EFCAB13: variants seen among roughly 807,000 people sequenced by gnomAD.
The protein encoded by EFCAB13 is EF-hand calcium binding domain 13.
Under a neutral mutation model 110.2 loss-of-function variants are expected in EFCAB13, and 91 were observed. The ratio of observed to expected loss-of-function variants is 0.83; its 90% confidence interval spans 0.70 to 0.98. The LOEUF is 0.98. Among genes scored for constraint, EFCAB13 ranks in the 50% least tolerant of loss-of-function variants. The pLI is 0.00. For missense variants in EFCAB13, 968 were observed against 1,119.4 expected (o/e 0.86, Z 1.93); for synonymous variants, 323 against 369.9 (o/e 0.87, Z 1.45).
intron 23 of EFCAB13, among the ~76,000 whole-genome samples, chr17:47,416,799 G>C (rs1904466553): frequency 6.6e-6 from 1 of 152,158 alleles, no homozygotes; most frequent in South Asian, 2.1e-4. Flanking sequence ...TAGTACAATT[G>C]ACTCTTGAAC....
chr17:47,369,098 A>C (rs938911786), intron 10 of EFCAB13, among the ~76,000 whole-genome samples: 4 of 152,230 alleles, frequency 2.6e-5, no homozygotes, highest in African/African-American at 7.2e-5. Flanking sequence ...GAGCTGGTGA[A>C]AAATGGTATA....
intron 10 of EFCAB13, among the ~76,000 whole-genome samples, chr17:47,363,944 A>G (rs2065531149): frequency 6.6e-6 from 1 of 152,172 alleles, no homozygotes; most frequent in Admixed American, 6.5e-5. Context: ...GGGGATTTTA[A>G]AGACTATTCT....
chr17:47,427,714 A>G (rs1181718791), intron 23 of EFCAB13, among the ~76,000 whole-genome samples: 2 of 151,994 alleles, frequency 1.3e-5, no homozygotes, highest in Non-Finnish European at 2.9e-5. Context: ...TGACTATCCA[A>G]ATTAGCTCAT....
intron 9 of EFCAB13, among the ~76,000 whole-genome samples, chr17:47,357,186 A>G (rs1370488860): frequency 1.3e-5 from 2 of 152,086 alleles, no homozygotes; most frequent in African/African-American, 4.8e-5. Flanking sequence ...GCCGACTCAC[A>G]GTTACTTGCC....
chr17:47,351,955 G>C (rs1962961684), intron 9 of EFCAB13, among the ~76,000 whole-genome samples: 1 of 147,284 alleles, frequency 6.8e-6, no homozygotes, highest in South Asian at 2.2e-4. Flanking sequence ...AGGCTGGAGT[G>C]CAGTGGTGCG....
chr17:47,340,289 C>T (rs1048611951), intron 5 of EFCAB13, among the ~76,000 whole-genome samples: 3 of 151,342 alleles, frequency 2.0e-5, no homozygotes, highest in Admixed American at 2.0e-4. Flanking sequence ...TGAACTGGTA[C>T]CACTAGGCAA....
chr17:47,418,949 A>C (rs191672526), intron 23 of EFCAB13, among the ~76,000 whole-genome samples: 28 of 152,334 alleles, frequency 1.8e-4, no homozygotes, highest in African/African-American at 6.5e-4. Flanking sequence ...TGATTGCTAT[A>C]GCTTTGTTTA....
chr17:47,327,495 T>C lies in EFCAB13; in HGVS notation c.-85-774T>C, dbSNP rs117674807. 4.3e-3 allele frequency among the ~76,000 whole-genome samples: 648 copies of C among 151,184 alleles called. 17 individuals are homozygous for C. In the East Asian group the frequency reaches 0.066, roughly 15 times the overall value. ...TTATTTTTGAGACAGTCTCACTGTATATCCCAGGCTGGAGTGCAGTGGTGC... is the reference window on the plus strand; with the variant it reads ...TTATTTTTGAGACAGTCTCACTGTACATCCCAGGCTGGAGTGCAGTGGTGC... On this transcript the variant is annotated intron_variant, in intron 3 of 24. Coordinates refer to ENST00000331493, the MANE Select transcript of EFCAB13 (RefSeq NM_152347.5).
At chr17:47,359,411 G>A in intron 9 of EFCAB13, among the ~76,000 whole-genome samples, 1 of 151,818 alleles carries the variant, frequency 6.6e-6, no homozygotes, top group East Asian at 1.9e-4. Context: ...CCTTGACTGT[G>A]CTTATCAAAG....
intron 12 of EFCAB13, 81 bp downstream of exon 12, chr17:47,375,047 C>T (rs2065607079): frequency 7.2e-7 from 1 of 1,388,430 alleles, no homozygotes; most frequent in Non-Finnish European, 9.5e-7. Context: ...TAGTTGTAAG[C>T]ATTTCAATTG....
chr17:47,369,058 C>T (rs557410815), intron 10 of EFCAB13, among the ~76,000 whole-genome samples: 2 of 152,244 alleles, frequency 1.3e-5, no homozygotes, highest in Admixed American at 6.5e-5. Flanking sequence ...ATTCCATGCA[C>T]CTTTAATCAT....
chr17:47,374,971 G>GT lies in EFCAB13; in HGVS notation c.1372+6dup. ...AAACTGCAATTAGTACTCTGGGTAAGTAAAAATCTAGGTTCTTGAGTTCTT... is the reference window on the plus strand; with the variant it reads ...AAACTGCAATTAGTACTCTGGGTAAGTTAAAAATCTAGGTTCTTGAGTTCTT... On this transcript the variant is annotated splice_donor_region_variant and intron_variant, in intron 12 of 24. Coordinates refer to ENST00000331493, the MANE Select transcript of EFCAB13 (RefSeq NM_152347.5). The GT allele has an allele frequency of 6.5e-7, 1 of 1,544,498 alleles. No individual in the cohort carries two copies. The highest frequency in any genetic ancestry group is 8.7e-7 in the Non-Finnish European group (1 of 1,154,034).
chr17:47,422,579 A>G (rs1225797343), intron 23 of EFCAB13, among the ~76,000 whole-genome samples: 1 of 152,192 alleles, frequency 6.6e-6, no homozygotes, highest in East Asian at 1.9e-4. Flanking sequence ...ATATAATTCT[A>G]TGTTCAAAAA....
intron 23 of EFCAB13, among the ~76,000 whole-genome samples, chr17:47,425,594 T>C (rs1238654835): frequency 6.6e-6 from 1 of 152,248 alleles, no homozygotes; most frequent in Non-Finnish European, 1.5e-5. Flanking sequence ...TGCAGCCAAG[T>C]GCACCAGAAT....
chr17:47,344,732 T>G (rs1295254011), intron 7 of EFCAB13, among the ~76,000 whole-genome samples: 4 of 152,144 alleles, frequency 2.6e-5, no homozygotes, highest in African/African-American at 7.2e-5. Flanking sequence ...CTTAAAAATT[T>G]GCTGTGACTT....
intron 14 of EFCAB13, among the ~76,000 whole-genome samples, chr17:47,382,976 A>T (rs1236535689): frequency 6.6e-6 from 1 of 152,128 alleles, no homozygotes; most frequent in Non-Finnish European, 1.5e-5. Flanking sequence ...TTATTGGTCT[A>T]TTCAGGGATT....
At chr17:47,350,184 A>G (rs868468109) in intron 9 of EFCAB13, among the ~76,000 whole-genome samples, 3 of 152,162 alleles carry the variant, frequency 2.0e-5, no homozygotes, top group Admixed American at 6.5e-5. Context: ...GGTATTTTAT[A>G]TATGAATTAA....
intron 20 of EFCAB13, among the ~76,000 whole-genome samples, chr17:47,405,311 A>G (rs938615125): frequency 1.3e-4 from 20 of 152,190 alleles, no homozygotes; most frequent in Non-Finnish European, 2.4e-4. Context: ...ATTTTTCTGT[A>G]GGGCAAATTC....
chr17:47,439,602 T>C (rs1905278178), intron 24 of EFCAB13, among the ~76,000 whole-genome samples: 1 of 152,198 alleles, frequency 6.6e-6, no homozygotes, highest in South Asian at 2.1e-4. Flanking sequence ...GCATGGACTA[T>C]AGGTTATTTT....
Sources: gnomAD v4.1 joint callset for allele counts (sites outside exome capture counted in the v4.1 genomes callset) on GRCh38, gnomAD v4.1.1 for gene constraint, MANE v1.5 for transcripts, NCBI Gene and HGNC (gene_info 2026-07-23, HGNC 2026-07-21) for gene names.